The following GATAD2B variants were observed in gnomAD, a reference collection of about 807,000 sequenced individuals.
GATAD2B encodes GATA zinc finger domain containing 2B, also known as transcriptional repressor p66-beta.
GATAD2B carries 8 observed loss-of-function variants against 64.3 expected under a neutral mutation model. The observed-to-expected ratio is 0.12, with a 90% CI of 0.07 to 0.22. GATAD2B has a LOEUF of 0.22. Ranked by LOEUF, GATAD2B falls within the 10% of genes least tolerant of loss-of-function variation. The probability of loss-of-function intolerance (pLI) is 1.00; values close to 1 mark genes in which losing one functional copy is unlikely to be tolerated. For synonymous variants in GATAD2B, 281 were observed against 271.3 expected (o/e 1.04, Z -0.35); for missense variants, 453 against 752.0 (o/e 0.60, Z 4.65).
At chr1:153,860,902 G>A (rs545723110) in intron 1 of GATAD2B, among the ~76,000 whole-genome samples, 9 of 152,204 alleles carry the variant, frequency 5.9e-5, no homozygotes, top group African/African-American at 2.2e-4. Context: ...TCCTCCCATC[G>A]TGGCCTCCAA....
At chr1:153,814,796 T>C (rs1030708276) in intron 7 of GATAD2B, among the ~76,000 whole-genome samples, 5 of 151,796 alleles carry the variant, frequency 3.3e-5, no homozygotes, top group East Asian at 1.9e-4. Flanking sequence ...ACCAACATTG[T>C]GAAACCCCGT....
intron 1 of GATAD2B, among the ~76,000 whole-genome samples, chr1:153,849,796 A>G (rs1675825246): frequency 1.3e-5 from 2 of 151,962 alleles, no homozygotes; most frequent in East Asian, 1.9e-4. Flanking sequence ...TCACCCAGCT[A>G]ATGTTTTGTA....
chr1:153,910,118 T>C (rs1000819507), intron 1 of GATAD2B, among the ~76,000 whole-genome samples: 2 of 151,218 alleles, frequency 1.3e-5, no homozygotes, highest in African/African-American at 4.9e-5. Context: ...CGTCTCAAAA[T>C]AATAATAATA....
At position 153,840,699 on chromosome 1, in the gene GATAD2B, C is replaced by A. The variant is rs865872159; in HGVS notation, c.-1-12351G>T. ...AGTTTATCTTTTTAAAATCTAAAAA[C>A]TTTGAAGTAAATATTAATAAGCAGA... is the stretch of plus-strand genomic sequence containing the variant. On this transcript the variant is annotated intron_variant, in intron 1 of 10. Coordinates refer to ENST00000368655, the MANE Select transcript of GATAD2B (RefSeq NM_020699.4). Among the ~76,000 whole-genome samples the A allele has an allele frequency of 5.3e-5, 8 of 152,286 alleles. No homozygotes were observed. The Middle Eastern group carries it at 0.01, about 194-fold the overall frequency.
intron 7 of GATAD2B, among the ~76,000 whole-genome samples, chr1:153,815,293 CAA>C (rs71093285): frequency 8.9e-6 from 1 of 111,848 alleles, no homozygotes. Context: ...AAAAAAAAAA[CAA>C]AAAAAAAAAA....
At chr1:153,897,035 T>TTC (rs1010750987) in intron 1 of GATAD2B, among the ~76,000 whole-genome samples, 5 of 148,332 alleles carry the variant, frequency 3.4e-5, no homozygotes, top group African/African-American at 1.2e-4. Flanking sequence ...TTAGAACACT[T>TTC]TTTTTTTTTT....
chr1:153,828,463 C>CGT (rs1553189757), intron 1 of GATAD2B, 115 bp from the exon 2 acceptor site: 1 of 219,430 alleles, frequency 4.6e-6, no homozygotes, highest in Admixed American at 6.3e-5. Context: ...CATACACACA[C>CGT]ACACACACAC....
At chr1:153,854,493 T>A (rs1433252959) in intron 1 of GATAD2B, among the ~76,000 whole-genome samples, 1 of 152,192 alleles carries the variant, frequency 6.6e-6, no homozygotes, top group African/African-American at 2.4e-5. Context: ...TTAAGTAACA[T>A]GCATACTGCT....
At position 153,903,217 on chromosome 1, in the gene GATAD2B, C is replaced by CA. The variant is rs1335057322; in HGVS notation, c.-2+19515dup. On this transcript the variant is annotated intron_variant, in intron 1 of 10. Coordinates refer to ENST00000368655, the MANE Select transcript of GATAD2B (RefSeq NM_020699.4). ...TGGGCGACAGAGCGAGACTCCATCT[C>CA]AAAAAAAAAAAAAAGTGGTTACAAA... 2.3e-3 allele frequency among the ~76,000 whole-genome samples: 292 copies of CA among 125,070 alleles called. 1 individual carries two copies. Among genetic ancestry groups the CA allele is most frequent in the South Asian group, 0.011 (44 of 4,012 alleles). 82.1% of individuals were successfully genotyped at this position (125,070 alleles called of 152,430 possible).
chr1:153,808,074 A>T lies in GATAD2B; in HGVS notation c.*2103T>A, dbSNP rs1654060557. The T allele has an allele frequency of 6.6e-6, 1 of 151,940 alleles. No homozygotes were observed. The highest frequency in any genetic ancestry group is 2.1e-4 in the South Asian group (1 of 4,834). 9.4% of individuals were successfully genotyped at this position (151,940 alleles called of 1,614,324 possible). A position where few individuals can be genotyped will look rare whatever the true frequency, so the allele number is the denominator to read the frequency against. On this transcript the variant is annotated 3_prime_UTR_variant, in exon 11 of 11. Transcript: ENST00000368655. Reference sequence around the variant, plus strand: ...AGAATATATCTTTATATATATATATATAATTTTAAAATAATCCCAGACCCA... The same window carrying T: ...AGAATATATCTTTATATATATATATTTAATTTTAAAATAATCCCAGACCCA...
intron 1 of GATAD2B, among the ~76,000 whole-genome samples, chr1:153,854,086 G>A (rs1675999005): frequency 6.6e-6 from 1 of 152,008 alleles, no homozygotes; most frequent in Admixed American, 6.6e-5. Context: ...TTCCATACAG[G>A]CCTAAGGCTC....
intron 1 of GATAD2B, among the ~76,000 whole-genome samples, chr1:153,862,369 C>T (rs1196982062): frequency 6.6e-6 from 1 of 151,870 alleles, no homozygotes; most frequent in Non-Finnish European, 1.5e-5. Context: ...GTGATCCGCC[C>T]GCCTCAACCT....
intron 1 of GATAD2B, among the ~76,000 whole-genome samples, chr1:153,834,137 G>A (rs1675182639): frequency 6.6e-6 from 1 of 151,700 alleles, no homozygotes; most frequent in South Asian, 2.1e-4. Context: ...CGTGCAGCTG[G>A]GATTACAAAC....
At position 153,805,061 on chromosome 1, in the gene GATAD2B, T is replaced by C. The variant is rs1348052889; in HGVS notation, c.*5116A>G. 2.0e-4 allele frequency: 4 copies of C among 19,756 alleles called. No homozygotes were observed. The highest frequency in any genetic ancestry group is 1.4e-3 in the Admixed American group (2 of 1,478). The allele number at this position is 19,756 out of a possible 1,614,324, so 1.2% of individuals were successfully genotyped here. A position where few individuals can be genotyped will look rare whatever the true frequency, so the allele number is the denominator to read the frequency against. On this transcript the variant is annotated 3_prime_UTR_variant, in exon 11 of 11. Transcript: ENST00000368655. The stretch of plus-strand genomic sequence containing the variant: ...AGGGAAGGCCATTCCCCATCCCACC[T>C]CCCTGCTCCCCACCCCCCAACCCCA...
intron 1 of GATAD2B, among the ~76,000 whole-genome samples, chr1:153,901,900 G>A (rs888252583): frequency 1.3e-5 from 2 of 149,908 alleles, no homozygotes; most frequent in Admixed American, 1.3e-4. Context: ...CACCCTGAAC[G>A]TGCCCGGTCC....
At chr1:153,886,007 G>T (rs1677173945) in intron 1 of GATAD2B, among the ~76,000 whole-genome samples, 1 of 152,114 alleles carries the variant, frequency 6.6e-6, no homozygotes. Flanking sequence ...AGGCAACAGA[G>T]TTCAAATTGA....
At chr1:153,869,270 C>T (rs1025504734) in intron 1 of GATAD2B, among the ~76,000 whole-genome samples, 4 of 142,662 alleles carry the variant, frequency 2.8e-5, no homozygotes, top group Non-Finnish European at 6.1e-5. Flanking sequence ...ACAGCCCAGG[C>T]GACAGAGCAA....
At chr1:153,859,290 C>A (rs1676190488) in intron 1 of GATAD2B, among the ~76,000 whole-genome samples, 1 of 151,342 alleles carries the variant, frequency 6.6e-6, no homozygotes, top group South Asian at 2.1e-4. Flanking sequence ...TTGCTTGAGC[C>A]TGGGGGATCT....
intron 1 of GATAD2B, among the ~76,000 whole-genome samples, chr1:153,864,003 C>T (rs1676396133): frequency 6.6e-6 from 1 of 151,988 alleles, no homozygotes; most frequent in Non-Finnish European, 1.5e-5. Context: ...GAAAGAAAAA[C>T]AAAAAATTCT....
Sources: gnomAD v4.1 joint callset for allele counts (sites outside exome capture counted in the v4.1 genomes callset) on GRCh38, gnomAD v4.1.1 for gene constraint, MANE v1.5 for transcripts, NCBI Gene and HGNC (gene_info 2026-07-23, HGNC 2026-07-21) for gene names.